Variants in TRPM3 observed in about 807,000 individuals in gnomAD.
TRPM3 encodes the protein transient receptor potential cation channel subfamily M member 3.
Under a neutral mutation model 181.2 loss-of-function variants are expected in TRPM3, and 77 were observed. The ratio of observed to expected loss-of-function variants is 0.42; its 90% confidence interval spans 0.35 to 0.51. TRPM3 has a LOEUF of 0.51. Among genes scored for constraint, TRPM3 ranks in the 20% least tolerant of loss-of-function variants. The pLI is 0.01. For missense variants in TRPM3, 1,759 were observed against 2,196.7 expected (o/e 0.80, Z 3.98); for synonymous variants, 745 against 796.4 (o/e 0.94, Z 1.09).
intron 1 of TRPM3, among the ~76,000 whole-genome samples, chr9:70,921,011 T>C (rs1372130268): frequency 6.6e-6 from 1 of 152,204 alleles, no homozygotes; most frequent in African/African-American, 2.4e-5. Flanking sequence ...CTCTAAAACT[T>C]CCTAGTTTTC....
intron 9 of TRPM3, among the ~76,000 whole-genome samples, chr9:70,651,707 A>C (rs1417433908): frequency 6.6e-6 from 1 of 152,186 alleles, no homozygotes; most frequent in African/African-American, 2.4e-5. Flanking sequence ...TGCATGTACA[A>C]ACATTTTGGA....
intron 1 of TRPM3, among the ~76,000 whole-genome samples, chr9:71,238,709 A>T (rs776969079): frequency 6.6e-6 from 1 of 152,200 alleles, no homozygotes; most frequent in Non-Finnish European, 1.5e-5. Flanking sequence ...CATTCAGGCC[A>T]TGTGAAGGTT....
At chr9:70,820,919 T>C (rs908840078) in intron 6 of TRPM3, among the ~76,000 whole-genome samples, 19 of 152,178 alleles carry the variant, frequency 1.2e-4, no homozygotes, top group African/African-American at 4.6e-4. Context: ...CCAAAAGTTA[T>C]ACTCTTCTCT....
intron 1 of TRPM3, among the ~76,000 whole-genome samples, chr9:71,282,375 G>GAAAT (rs2084901332): frequency 8.0e-6 from 1 of 125,470 alleles, no homozygotes; most frequent in Non-Finnish European, 1.7e-5. Flanking sequence ...AAGAATGAAA[G>GAAAT]AAAGAAAGAA....
chr9:70,952,802 C>T (rs918976430), intron 1 of TRPM3, among the ~76,000 whole-genome samples: 2 of 151,952 alleles, frequency 1.3e-5, no homozygotes, highest in Non-Finnish European at 2.9e-5. Flanking sequence ...GCTGAAGGGC[C>T]TAATAATGCA....
At chr9:71,156,365 T>A (rs990683352) in intron 1 of TRPM3, among the ~76,000 whole-genome samples, 4 of 139,296 alleles carry the variant, frequency 2.9e-5, no homozygotes, top group South Asian at 4.7e-4. Context: ...AGGTATTATA[T>A]ATATACTACA....
intron 1 of TRPM3, among the ~76,000 whole-genome samples, chr9:71,097,198 A>G (rs2067450836): frequency 6.6e-6 from 1 of 152,150 alleles, no homozygotes; most frequent in Non-Finnish European, 1.5e-5. Flanking sequence ...CAGAAAATAT[A>G]TAAAACAATA....
At chr9:70,687,906 A>G (rs1360486185) in intron 8 of TRPM3, among the ~76,000 whole-genome samples, 1 of 152,220 alleles carries the variant, frequency 6.6e-6, no homozygotes, top group Non-Finnish European at 1.5e-5. Context: ...CACACTGACA[A>G]CAACTCCCTG....
chr9:70,820,054 C>CAAGTCGAGT (rs765545941), intron 6 of TRPM3, among the ~76,000 whole-genome samples: 34 of 152,262 alleles, frequency 2.2e-4, no homozygotes, highest in Admixed American at 1.6e-3. Context: ...ACACCTCCAA[C>CAAGTCGAGT]AAGTCGAGTA....
In TRPM3 at chr9:71,427,651, A is replaced by T. The variant is rs189949577; in HGVS notation, c.183+19002T>A. ...GGAGGCCATTATCGTATGCAAACTA[A>T]CACAAAAACAGAAAACCAAATACTG... On this transcript the variant is annotated intron_variant, in intron 1 of 24. Coordinates refer to the TRPM3 transcript ENST00000357533. Among the ~76,000 whole-genome samples, 655 of 152,326 alleles carry T rather than the reference A, an allele frequency of 4.3e-3. 3 individuals are homozygous for T. The highest frequency in any genetic ancestry group is 0.015 in the African/African-American group (631 of 41,588).
At chr9:70,757,262 C>T (rs557656396) in intron 8 of TRPM3, among the ~76,000 whole-genome samples, 5 of 152,190 alleles carry the variant, frequency 3.3e-5, no homozygotes, top group East Asian at 1.9e-4. Context: ...TGGACACATA[C>T]GCCCTCCCAA....
chr9:70,677,385 G>A (rs368984450), intron 9 of TRPM3, among the ~76,000 whole-genome samples: 12 of 152,238 alleles, frequency 7.9e-5, no homozygotes, highest in African/African-American at 2.7e-4. Context: ...CACTCTGCAG[G>A]AGCAGTAACA....
In TRPM3 at chr9:71,429,128, C is replaced by T. The variant is rs186302834; in HGVS notation, c.183+17525G>A. ...TGACTAAAAGTGGATCTTCACTGTT[C>T]TCCTTAACTCATTTCTCCCAACTAC... is the stretch of plus-strand genomic sequence containing the variant. On this transcript the variant is annotated intron_variant, in intron 1 of 24. Transcript: ENST00000357533. Among the ~76,000 whole-genome samples the T allele has an allele frequency of 2.6e-5, 4 of 152,208 alleles. No individual in the cohort carries two copies. In the East Asian group the frequency reaches 7.7e-4, roughly 29 times the overall value.
chr9:71,059,931 G>A (rs1236114935), intron 1 of TRPM3, among the ~76,000 whole-genome samples: 1 of 152,052 alleles, frequency 6.6e-6, no homozygotes, highest in Non-Finnish European at 1.5e-5. Context: ...TGGAAACCAG[G>A]AGGGTGTGAA....
At chr9:70,784,048 AC>A in intron 7 of TRPM3, 56 bp downstream of exon 7, 4 of 1,565,856 alleles carry the variant, frequency 2.6e-6, no homozygotes, top group Non-Finnish European at 3.5e-6. Flanking sequence ...ATCCACTCAT[AC>A]CCTCGTTTCC....
intron 6 of TRPM3, chr9:70,811,375 A>C (rs1391454702): frequency 2.8e-6 from 2 of 714,450 alleles, no homozygotes. Context: ...AGTGAAACCT[A>C]TGTAGAGCAT....
intron 1 of TRPM3, among the ~76,000 whole-genome samples, chr9:71,440,853 GGAA>G (rs1270994868): frequency 1.3e-5 from 2 of 152,114 alleles, no homozygotes; most frequent in East Asian, 3.8e-4. Context: ...AGCAACACAT[GGAA>G]GACCATCACA....
At chr9:70,741,199 C>T (rs951844503) in intron 8 of TRPM3, among the ~76,000 whole-genome samples, 2 of 152,082 alleles carry the variant, frequency 1.3e-5, no homozygotes, top group African/African-American at 4.8e-5. Context: ...ACCACCAACA[C>T]ATATGAAAAA....
intron 1 of TRPM3, among the ~76,000 whole-genome samples, chr9:71,006,903 G>A (rs1447055574): frequency 1.3e-5 from 2 of 149,086 alleles, no homozygotes; most frequent in Non-Finnish European, 3.0e-5. Context: ...ATTAGGTGTG[G>A]TGGCGCATGC....
Sources: gnomAD v4.1 joint callset for allele counts (sites outside exome capture counted in the v4.1 genomes callset) on GRCh38, gnomAD v4.1.1 for gene constraint, MANE v1.5 for transcripts, NCBI Gene and HGNC (gene_info 2026-07-23, HGNC 2026-07-21) for gene names.